EPHA6: variants seen among roughly 807,000 people sequenced by gnomAD.
EPHA6 encodes the protein EPH receptor A6, also known as ephrin type-A receptor 6.
Under a neutral mutation model 112.0 loss-of-function variants are expected in EPHA6, and 50 were observed. That is an observed-to-expected ratio of 0.45 (90% CI 0.36 to 0.56). EPHA6 has a LOEUF of 0.56. Ranked by LOEUF, EPHA6 falls within the 20% of genes least tolerant of loss-of-function variation. EPHA6 has a pLI of 0.00. For synonymous variants in EPHA6, 529 were observed against 490.7 expected (o/e 1.08, Z -1.03); for missense variants, 1,280 against 1,417.4 (o/e 0.90, Z 1.56).
intron 5 of EPHA6, among the ~76,000 whole-genome samples, chr3:97,377,895 G>C (rs1054666999): frequency 2.0e-5 from 3 of 152,062 alleles, no homozygotes; most frequent in African/African-American, 7.2e-5. Flanking sequence ...GAGCATAAAA[G>C]TTTGGAAAAT....
At chr3:97,430,677 C>T (rs1322090434) in intron 6 of EPHA6, among the ~76,000 whole-genome samples, 1 of 152,078 alleles carries the variant, frequency 6.6e-6, no homozygotes, top group Admixed American at 6.6e-5. Context: ...ATCAAGAAGA[C>T]TAAATTCATT....
At chr3:97,690,973 C>G (rs1485928569) in intron 14 of EPHA6, among the ~76,000 whole-genome samples, 2 of 151,992 alleles carry the variant, frequency 1.3e-5, no homozygotes, top group Admixed American at 6.6e-5. Flanking sequence ...TTTCTTTTAC[C>G]ACTTGTGCTT....
At chr3:97,200,600 C>A (rs2077555624) in intron 3 of EPHA6, among the ~76,000 whole-genome samples, 1 of 152,076 alleles carries the variant, frequency 6.6e-6, no homozygotes, top group East Asian at 1.9e-4. Flanking sequence ...TTTACCTGTA[C>A]CGCTTAGTTA....
intron 3 of EPHA6, among the ~76,000 whole-genome samples, chr3:97,094,378 A>G (rs1020025065): frequency 1.3e-5 from 2 of 152,110 alleles, no homozygotes; most frequent in African/African-American, 4.8e-5. Flanking sequence ...TCAAAAGTAA[A>G]CAGTAACTTT....
intron 12 of EPHA6, among the ~76,000 whole-genome samples, chr3:97,597,903 G>T (rs1255794997): frequency 1.3e-5 from 2 of 152,124 alleles, no homozygotes; most frequent in Non-Finnish European, 2.9e-5. Context: ...GCATATAGAG[G>T]ACTGTAGAAA....
intron 6 of EPHA6, among the ~76,000 whole-genome samples, chr3:97,424,487 C>T (rs182876231): frequency 3.9e-5 from 6 of 152,192 alleles, no homozygotes; most frequent in African/African-American, 1.4e-4. Context: ...CAAGTCCCTT[C>T]TGCCTATGAG....
At chr3:96,857,156 G>A (rs1006771468) in intron 1 of EPHA6, among the ~76,000 whole-genome samples, 1 of 151,942 alleles carries the variant, frequency 6.6e-6, no homozygotes, top group Non-Finnish European at 1.5e-5. Context: ...TTATACTTAG[G>A]GAACCCATGT....
At chr3:97,621,736 A>G (rs1412319521) in intron 13 of EPHA6, among the ~76,000 whole-genome samples, 5 of 151,892 alleles carry the variant, frequency 3.3e-5, no homozygotes, top group African/African-American at 1.2e-4. Flanking sequence ...CTTTTAAGTC[A>G]GAAGCATATA....
chr3:97,075,699 T>A (rs1316543472), intron 3 of EPHA6, among the ~76,000 whole-genome samples: 2 of 142,668 alleles, frequency 1.4e-5, no homozygotes, highest in African/African-American at 3.0e-5. Context: ...GCTGCTCGGA[T>A]ACTGCATTTT....
intron 3 of EPHA6, among the ~76,000 whole-genome samples, chr3:96,993,743 T>C (rs895585500): frequency 2.0e-5 from 3 of 152,212 alleles, no homozygotes; most frequent in Non-Finnish European, 4.4e-5. Context: ...TTGAAATTCA[T>C]GCTGCTGAGG....
At chr3:96,845,647 T>G (rs2035029324) in intron 1 of EPHA6, among the ~76,000 whole-genome samples, 1 of 150,766 alleles carries the variant, frequency 6.6e-6, no homozygotes, top group Non-Finnish European at 1.5e-5. Flanking sequence ...AATGTGTTAA[T>G]TATATTATCA....
At chr3:97,491,669 C>T (rs907991488) in intron 10 of EPHA6, among the ~76,000 whole-genome samples, 27 of 150,124 alleles carry the variant, frequency 1.8e-4, no homozygotes, top group African/African-American at 6.6e-4. Flanking sequence ...GCTGAGATGG[C>T]CTTGTGTATA....
intron 5 of EPHA6, among the ~76,000 whole-genome samples, chr3:97,300,927 G>A (rs1033785981): frequency 2.0e-5 from 3 of 152,132 alleles, no homozygotes; most frequent in Admixed American, 6.6e-5. Context: ...TCCTGTGAGA[G>A]TCCTGAAATG....
At chr3:96,912,896 G>A (rs1576012553) in intron 2 of EPHA6, among the ~76,000 whole-genome samples, 1 of 152,012 alleles carries the variant, frequency 6.6e-6, no homozygotes, top group East Asian at 2.0e-4. Flanking sequence ...CTGGCCTTCT[G>A]TAGACATATT....
At chr3:96,944,919 G>A (rs1360331260) in intron 2 of EPHA6, among the ~76,000 whole-genome samples, 4 of 152,148 alleles carry the variant, frequency 2.6e-5, no homozygotes, top group East Asian at 1.9e-4. Context: ...CAGCCTAGGC[G>A]ACAGAGCGAG....
chr3:97,388,493 G>A (rs2086201845), intron 5 of EPHA6, among the ~76,000 whole-genome samples: 1 of 152,034 alleles, frequency 6.6e-6, no homozygotes, highest in African/African-American at 2.4e-5. Context: ...CAAGGAAAGA[G>A]GAGAGGATAA....
Position 97,586,720 on chromosome 3 carries a change from G to GACA in EPHA6, c.2387-5892_2387-5891insACA, listed in dbSNP as rs1161839135. ...ATGGATAGATGATGGATGGATGGAT[G>GACA]GATGGATAGACAGACAGACAGACAG... On this transcript the variant is annotated intron_variant, in intron 11 of 17. Transcript: ENST00000389672. Among the ~76,000 whole-genome samples the GACA allele has an allele frequency of 1.3e-4, 17 of 130,542 alleles. No individual in the cohort carries two copies. In the East Asian group the frequency reaches 3.4e-3, roughly 26 times the overall value. The allele number at this position is 130,542 out of a possible 152,430, so 85.6% of individuals were successfully genotyped here.
At chr3:97,432,748 T>C (rs1289971192) in intron 6 of EPHA6, among the ~76,000 whole-genome samples, 2 of 152,082 alleles carry the variant, frequency 1.3e-5, no homozygotes, top group African/African-American at 4.8e-5. Flanking sequence ...CTTTTTCCCA[T>C]GGTGGGAAGA....
At chr3:96,866,638 A>ATTAC (rs902410110) in intron 1 of EPHA6, among the ~76,000 whole-genome samples, 187 bp from the exon 2 acceptor site, 1 of 151,724 alleles carries the variant, frequency 6.6e-6, no homozygotes. Context: ...GCATTTTATC[A>ATTAC]TTACTTAATA....
Sources: allele counts gnomAD v4.1 joint callset (sites outside exome capture counted in the v4.1 genomes callset), GRCh38; gene constraint gnomAD v4.1.1; transcripts MANE v1.5; gene names NCBI Gene and HGNC (gene_info 2026-07-23, HGNC 2026-07-21).